The following RTCA variants were observed in gnomAD, a reference collection of about 807,000 sequenced individuals.
RTCA encodes RNA 3'-terminal phosphate cyclase.
Under a neutral mutation model 46.1 loss-of-function variants are expected in RTCA, and 37 were observed. The ratio of observed to expected loss-of-function variants is 0.80; its 90% CI spans 0.62 to 1.06. The LOEUF (loss-of-function observed/expected upper bound fraction) is 1.06. Among genes scored for constraint, RTCA ranks in the 50% least tolerant of loss-of-function variants. The pLI is 0.00. For missense variants in RTCA, 435 were observed against 455.5 expected, an observed-to-expected ratio of 0.95 and a Z score of 0.41; for synonymous variants, 164 against 158.3, an observed-to-expected ratio of 1.04 and a Z score of -0.27.
At chr1:100,286,799 T>G (rs895683419) in intron 9 of RTCA, among the ~76,000 whole-genome samples, 1 of 152,180 alleles carries the variant, frequency 6.6e-6, no homozygotes, top group African/African-American at 2.4e-5. Flanking sequence ...CATCATATTA[T>G]ATATACCAAC....
intron 7 of RTCA, among the ~76,000 whole-genome samples, chr1:100,276,156 A>T (rs1666363339): frequency 6.6e-6 from 1 of 152,078 alleles, no homozygotes; most frequent in Non-Finnish European, 1.5e-5. Flanking sequence ...TTTTAAGGAC[A>T]TTCCTACCTA....
Position 100,274,801 on chromosome 1 carries a change from G to C in RTCA, c.474-23G>C, listed in dbSNP as rs200905502. ...TTTTGTCATGCAATCAGTTTATGTG[G>C]GCATTTGTTATACTTTTCATAGGGG... On this transcript the variant is annotated intron_variant, in intron 5 of 10. Transcript: ENST00000370128. 6 of 1,591,454 alleles carry C rather than the reference G, an allele frequency of 3.8e-6. No homozygotes were observed. The African/African-American group carries it at 5.4e-5, about 14-fold the overall frequency.
intron 9 of RTCA, among the ~76,000 whole-genome samples, chr1:100,285,820 G>C (rs1666992582): frequency 6.6e-6 from 1 of 152,106 alleles, no homozygotes; most frequent in Non-Finnish European, 1.5e-5. Context: ...TTTTTATAGA[G>C]ACGAGGTCTC....
In RTCA at chr1:100,273,404, C is replaced by A; in HGVS notation, c.425C>A (p.Pro142Gln). The change falls in exon 5 of 11, where the codon CCA (proline) becomes CAA (glutamine). Residue 142 changes from proline (P) to glutamine (Q), a missense_variant. Physicochemically the swap from Pro to Gln is moderately conservative, Grantham distance 76 (BLOSUM62 -1). Coordinates refer to ENST00000370128, the MANE Select transcript of RTCA (RefSeq NM_003729.4). ...AACTGATTTTTTCAGGTCTTCAAGC[C>A]AATTGTTGAAAAATTTGGTTTCATA... ...QIDYTVMVFK[P>Q]IVEKFGFIFN... 1.3e-6 allele frequency: 2 copies of A among 1,581,486 alleles called. No homozygotes were observed. The highest frequency in any genetic ancestry group is 1.3e-5 in the African/African-American group (1 of 74,076).
intron 9 of RTCA, among the ~76,000 whole-genome samples, chr1:100,286,877 T>G (rs1667061581): frequency 6.6e-6 from 1 of 152,182 alleles, no homozygotes; most frequent in African/African-American, 2.4e-5. Flanking sequence ...ATTTAAAAAA[T>G]TATATGTTGA....
intron 2 of RTCA, chr1:100,267,006 T>C (rs907645363): frequency 3.1e-5 from 8 of 256,368 alleles, no homozygotes; most frequent in East Asian, 7.8e-5. Flanking sequence ...CAGTGCATTC[T>C]GGTTCTGCTG....
chr1:100,285,752 T>G (rs1329949962), intron 9 of RTCA, among the ~76,000 whole-genome samples: 1 of 152,200 alleles, frequency 6.6e-6, no homozygotes, highest in Non-Finnish European at 1.5e-5. Flanking sequence ...CCTGAGTAGC[T>G]AGGCCTACAG....
intron 10 of RTCA, 33 bp from the exon 11 acceptor site, chr1:100,291,370 C>T (rs1667344324): frequency 6.4e-6 from 9 of 1,411,134 alleles, no homozygotes; most frequent in South Asian, 2.5e-5. Flanking sequence ...CATCTCTCTT[C>T]GTATTACTTA....
At chr1:100,280,839 A>C (rs968772865) in intron 8 of RTCA, among the ~76,000 whole-genome samples, 2 of 152,098 alleles carry the variant, frequency 1.3e-5, no homozygotes, top group Non-Finnish European at 2.9e-5. Flanking sequence ...CTGTCTCTAC[A>C]AAAAATACAA....
At position 100,281,785 on chromosome 1, in the gene RTCA, C is replaced by T. The variant is rs143453921; in HGVS notation, c.800-3443C>T. On this transcript the variant is annotated intron_variant, in intron 8 of 10. Coordinates refer to ENST00000370128, the MANE Select transcript of RTCA (RefSeq NM_003729.4). The stretch of plus-strand genomic sequence containing the variant: ...AGGCTAGAGTGCAATGGAGCAATCT[C>T]GGCTCACTGCAACCTCCGCCTCCTG... Among the ~76,000 whole-genome samples, 536 of 152,020 alleles carry T rather than the reference C, an allele frequency of 3.5e-3. 3 individuals are homozygous for T. Among genetic ancestry groups the T allele is most frequent in the Non-Finnish European group, 5.3e-3 (360 of 67,946 alleles).
chr1:100,267,986 T>C (rs1423745422), intron 2 of RTCA, 166 bp from the exon 3 acceptor site: 1 of 811,608 alleles, frequency 1.2e-6, no homozygotes, highest in Admixed American at 2.9e-5. Flanking sequence ...TAGCAGGTAG[T>C]CTAGGTGCAT....
intron 4 of RTCA, 89 bp from the exon 5 acceptor site, chr1:100,273,305 A>C: frequency 1.3e-6 from 1 of 781,858 alleles, no homozygotes; most frequent in South Asian, 1.8e-5. Flanking sequence ...CCCAGTTACT[A>C]GCCAGCAAAG....
At chr1:100,269,539 G>T (rs904896804) in intron 3 of RTCA, among the ~76,000 whole-genome samples, 1 of 151,864 alleles carries the variant, frequency 6.6e-6, no homozygotes, top group Admixed American at 6.6e-5. Context: ...TCACTATGTT[G>T]CCCAGATTGG....
At chr1:100,277,791 ATTTTTTTTTTTGGGGGGGGGC>A (rs1557976888) in intron 8 of RTCA, among the ~76,000 whole-genome samples, 1 of 145,786 alleles carries the variant, frequency 6.9e-6, no homozygotes, top group African/African-American at 2.5e-5. Context: ...GCGATGTGGA[ATTTTTTTTTTTGGGGGGGGGC>A]ACATAGCATT....
In RTCA at chr1:100,277,296, G is replaced by C. The variant is rs138588995; in HGVS notation, c.779G>C (p.Gly260Ala). 217 of 1,611,942 alleles carry C rather than the reference G, an allele frequency of 1.3e-4. No individual in the cohort carries two copies. The highest frequency in any genetic ancestry group is 1.8e-4 in the Non-Finnish European group (211 of 1,179,306). ...AETSTGCLFAGSSLGKRGVNA... is the reference protein window; with the variant it reads ...AETSTGCLFAASSLGKRGVNA... ...ACCTCCACTGGCTGTTTGTTTGCTG[G>C]ATCATCGCTTGGTAAACGAGGTAAG... is the stretch of plus-strand genomic sequence containing the variant. Residue 260 changes from glycine (G) to alanine (A), a missense_variant, in exon 8 of 11, where the codon GGA (glycine) becomes GCA (alanine). Physicochemically the swap from Gly to Ala is moderately conservative, Grantham distance 60. Coordinates refer to ENST00000370128, the MANE Select transcript of RTCA (RefSeq NM_003729.4).
chr1:100,276,506 G>C (rs918490923), intron 7 of RTCA, among the ~76,000 whole-genome samples: 2 of 152,024 alleles, frequency 1.3e-5, no homozygotes, highest in African/African-American at 4.8e-5. Context: ...GTGAAACCCT[G>C]TCTCTACTAA....
intron 8 of RTCA, among the ~76,000 whole-genome samples, chr1:100,280,329 A>AT (rs1035996761): frequency 7.2e-5 from 11 of 152,190 alleles, no homozygotes; most frequent in East Asian, 1.9e-4. Context: ...AATACATGGA[A>AT]TTTTTTTACC....
rs754106643 is a variant in RTCA at position 100,277,313 on chromosome 1, C to T, written c.796C>T (p.Arg266Ter). 1.4e-5 allele frequency: 23 copies of T among 1,610,010 alleles called. No individual in the cohort carries two copies. The highest frequency in any genetic ancestry group is 5.1e-5 in the Admixed American group (3 of 59,140). The change falls in exon 8 of 11, where the codon CGA (arginine) becomes TGA (stop). Residue 266 changes from arginine to a stop codon, truncating the protein, a stop_gained. Coordinates refer to ENST00000370128, the MANE Select transcript of RTCA (RefSeq NM_003729.4). LOFTEE classifies it high-confidence loss of function. ...GTTTGCTGGATCATCGCTTGGTAAACGAGGTAAGATAAATGAAGGGGGTCC... is the reference window on the plus strand; with the variant it reads ...GTTTGCTGGATCATCGCTTGGTAAATGAGGTAAGATAAATGAAGGGGGTCC... ...CLFAGSSLGK[R>*]GVNADKVGIE...
At chr1:100,280,713 A>AT (rs1413296476) in intron 8 of RTCA, among the ~76,000 whole-genome samples, 2 of 152,246 alleles carry the variant, frequency 1.3e-5, no homozygotes, top group South Asian at 2.1e-4. Flanking sequence ...AAATTACTGG[A>AT]TTTAGGGGCT....
Sources: gnomAD v4.1 joint callset for allele counts (sites outside exome capture counted in the v4.1 genomes callset) on GRCh38, gnomAD v4.1.1 for gene constraint, MANE v1.5 for transcripts, NCBI Gene and HGNC (gene_info 2026-07-23, HGNC 2026-07-21) for gene names.